CELF2: variants seen among roughly 807,000 people sequenced by gnomAD.
CELF2 encodes the protein CUG triplet repeat RNA-binding protein 2.
CELF2 carries 8 observed loss-of-function variants against 62.6 expected under a neutral mutation model. That is an observed-to-expected ratio of 0.13 (90% CI 0.07 to 0.23). The LOEUF is 0.23. Among genes scored for constraint, CELF2 ranks in the 10% least tolerant of loss-of-function variants. The pLI, the probability that CELF2 is intolerant of heterozygous loss-of-function variation, is 1.00. For missense variants in CELF2, 333 were observed against 671.0 expected (o/e 0.50, Z 5.56); for synonymous variants, 258 against 250.0 (o/e 1.03, Z -0.30).
At chr10:10,838,805 T>C (rs1461862205) in intron 1 of CELF2, among the ~76,000 whole-genome samples, 2 of 152,178 alleles carry the variant, frequency 1.3e-5, no homozygotes, top group African/African-American at 2.4e-5. Context: ...CTTTCCCCTG[T>C]CCTAGAATCA....
At chr10:10,699,215 A>G in the CELF2 span, among the ~76,000 whole-genome samples, 1 of 152,226 alleles carries the variant, frequency 6.6e-6, no homozygotes, top group Admixed American at 6.5e-5. Context: ...ATATACACAT[A>G]CATATCAAAT....
intron 1 of CELF2, among the ~76,000 whole-genome samples, chr10:11,127,571 T>C (rs2058927498): frequency 2.6e-5 from 4 of 152,230 alleles, no homozygotes; most frequent in Non-Finnish European, 4.4e-5. Flanking sequence ...TCCTGACTTT[T>C]TAATGATTGC....
the CELF2 span, among the ~76,000 whole-genome samples, chr10:10,565,591 A>G: frequency 6.6e-6 from 1 of 152,236 alleles, no homozygotes; most frequent in South Asian, 2.1e-4. Flanking sequence ...AAAGGCCACC[A>G]TGAGAAGACT....
At chr10:10,826,777 GT>G (rs2057424545) in intron 1 of CELF2, among the ~76,000 whole-genome samples, 1 of 152,194 alleles carries the variant, frequency 6.6e-6, no homozygotes, top group Admixed American at 6.5e-5. Context: ...TAGGGGCTCT[GT>G]TTTGTATTTT....
the CELF2 span, among the ~76,000 whole-genome samples, chr10:10,669,152 T>G: frequency 1.3e-5 from 2 of 152,150 alleles, no homozygotes; most frequent in African/African-American, 2.4e-5. Flanking sequence ...TGAACTGAGA[T>G]TCTCAGGTTG....
chr10:10,625,662 T>C, the CELF2 span, among the ~76,000 whole-genome samples: 2 of 152,170 alleles, frequency 1.3e-5, no homozygotes, highest in Non-Finnish European at 2.9e-5. Flanking sequence ...AGGACCCTTG[T>C]AGGGCCAGCT....
the CELF2 span, among the ~76,000 whole-genome samples, chr10:10,665,353 A>G: frequency 1.3e-5 from 2 of 152,222 alleles, no homozygotes; most frequent in Admixed American, 1.3e-4. Flanking sequence ...TAATATGCAT[A>G]AAGTATATTA....
At chr10:10,587,933 A>G in the CELF2 span, among the ~76,000 whole-genome samples, 2 of 152,020 alleles carry the variant, frequency 1.3e-5, no homozygotes, top group South Asian at 2.1e-4. Context: ...GGTTTACAAG[A>G]TTTTCCAGCC....
intron 3 of CELF2, among the ~76,000 whole-genome samples, chr10:11,228,549 G>C (rs1314836736): frequency 2.0e-5 from 3 of 152,028 alleles, no homozygotes; most frequent in Non-Finnish European, 4.4e-5. Context: ...CTGAAGCTAA[G>C]CTCATCCTGT....
At chr10:11,142,197 C>T (rs1025647842) in intron 1 of CELF2, among the ~76,000 whole-genome samples, 1 of 152,224 alleles carries the variant, frequency 6.6e-6, no homozygotes, top group Non-Finnish European at 1.5e-5. Flanking sequence ...TGAATGATAA[C>T]TTGTTTCTTG....
intron 1 of CELF2, among the ~76,000 whole-genome samples, chr10:11,080,825 A>C (rs2073820358): frequency 6.6e-6 from 1 of 152,256 alleles, no homozygotes; most frequent in Non-Finnish European, 1.5e-5. Flanking sequence ...TCACCTAATG[A>C]AAAGAAAATT....
intron 2 of CELF2, among the ~76,000 whole-genome samples, chr10:10,982,724 C>T (rs1313608661): frequency 6.6e-6 from 1 of 152,170 alleles, no homozygotes; most frequent in Admixed American, 6.5e-5. Flanking sequence ...AAGGCATATT[C>T]ATTTGGGCAA....
At chr10:10,572,402 T>C in the CELF2 span, among the ~76,000 whole-genome samples, 1 of 152,114 alleles carries the variant, frequency 6.6e-6, no homozygotes, top group Non-Finnish European at 1.5e-5. Context: ...GCAGTTTTGT[T>C]ACATAGGTAA....
At chr10:10,486,732 C>T in the CELF2 span, among the ~76,000 whole-genome samples, 1 of 152,122 alleles carries the variant, frequency 6.6e-6, no homozygotes, top group Non-Finnish European at 1.5e-5. Flanking sequence ...ATTTAGAATG[C>T]TCAACCTATA....
intron 7 of CELF2, among the ~76,000 whole-genome samples, chr10:11,274,610 T>G (rs557103212): frequency 1.3e-5 from 2 of 152,300 alleles, no homozygotes; most frequent in Admixed American, 1.3e-4. Context: ...GTTACCATGA[T>G]GATCTTTATG....
the CELF2 span, among the ~76,000 whole-genome samples, chr10:10,739,247 A>C: frequency 6.6e-6 from 1 of 152,166 alleles, no homozygotes; most frequent in Non-Finnish European, 1.5e-5. Flanking sequence ...CAAAACAGTG[A>C]GATTATAAGG....
At chr10:10,952,958 A>T (rs10795841) in intron 2 of CELF2, among the ~76,000 whole-genome samples, 56,410 of 152,026 alleles carry the variant, frequency 0.37, 11,310 homozygotes, top group East Asian at 0.77. Context: ...GTAAAAGATG[A>T]TGCTACAGAA....
intron 8 of CELF2, among the ~76,000 whole-genome samples, chr10:11,282,277 C>T (rs1176723181): frequency 2.0e-5 from 3 of 152,126 alleles, no homozygotes; most frequent in African/African-American, 4.8e-5. Flanking sequence ...AGATGGGGAC[C>T]GAGAGGGCAG....
At chr10:10,498,462 G>A in the CELF2 span, among the ~76,000 whole-genome samples, 1 of 152,202 alleles carries the variant, frequency 6.6e-6, no homozygotes, top group African/African-American at 2.4e-5. Context: ...TTGGCTCCTG[G>A]AGGCAGAACT....
Sources: allele counts gnomAD v4.1 joint callset (sites outside exome capture counted in the v4.1 genomes callset), GRCh38; gene constraint gnomAD v4.1.1; transcripts MANE v1.5; gene names NCBI Gene and HGNC (gene_info 2026-07-23, HGNC 2026-07-21).